Variants in RPS6KC1 observed in about 807,000 individuals in gnomAD.
RPS6KC1 encodes inactive ribosomal protein S6 kinase delta-1.
In RPS6KC1, 54 loss-of-function variants were observed where a neutral mutation model predicts 103.8. The ratio of observed to expected loss-of-function variants is 0.52; its 90% CI spans 0.42 to 0.65. The LOEUF (loss-of-function observed/expected upper bound fraction) is 0.65. RPS6KC1 is among the 30% of genes least tolerant of loss of function. RPS6KC1 has a pLI of 0.00. For synonymous variants in RPS6KC1, 439 were observed against 438.7 expected (o/e 1.00, Z -0.01); for missense variants, 1,151 against 1,253.8 (o/e 0.92, Z 1.24).
the RPS6KC1 span, among the ~76,000 whole-genome samples, chr1:213,701,737 T>G: frequency 6.6e-6 from 1 of 152,096 alleles, no homozygotes; most frequent in Non-Finnish European, 1.5e-5. Context: ...TTCTTTGAAT[T>G]TCTACAGTAT....
At chr1:213,553,699 T>C in the RPS6KC1 span, among the ~76,000 whole-genome samples, 24 of 152,294 alleles carry the variant, frequency 1.6e-4, no homozygotes, top group Non-Finnish European at 2.6e-4. Flanking sequence ...CTGTTATTTT[T>C]TGATTTTTTT....
intron 6 of RPS6KC1, among the ~76,000 whole-genome samples, chr1:213,141,963 A>T (rs1224719822): frequency 6.6e-6 from 1 of 151,862 alleles, no homozygotes; most frequent in Non-Finnish European, 1.5e-5. Context: ...TAGTTCTGTC[A>T]GTGGAATGTT....
the RPS6KC1 span, chr1:213,840,871 G>A: frequency 6.6e-6 from 1 of 152,220 alleles, no homozygotes; most frequent in Admixed American, 6.5e-5. Context: ...CCCCACGTTA[G>A]GGATGCTAGA....
chr1:213,506,636 C>T, the RPS6KC1 span, among the ~76,000 whole-genome samples: 1 of 152,146 alleles, frequency 6.6e-6, no homozygotes, highest in South Asian at 2.1e-4. Flanking sequence ...TTTTACTCAA[C>T]CCAGTCAATC....
intron 1 of RPS6KC1, among the ~76,000 whole-genome samples, chr1:213,062,550 G>C (rs766610508): frequency 9.2e-5 from 14 of 152,102 alleles, no homozygotes; most frequent in Admixed American, 2.6e-4. Context: ...TCAGATAAGA[G>C]AGTGCTTTTG....
At position 213,090,889 on chromosome 1, in the gene RPS6KC1, A is replaced by G. The variant is rs540415248; in HGVS notation, c.262+13073A>G. On this transcript the variant is annotated intron_variant, in intron 3 of 14. Coordinates refer to ENST00000366960, the MANE Select transcript of RPS6KC1 (RefSeq NM_012424.6). ...TCTTCCAAAGCAAAAAAGAAATAGC[A>G]AGAAGAGTGGTGTTGGTTTATGTTT... Among the ~76,000 whole-genome samples, 37 of 152,366 alleles carry G rather than the reference A, an allele frequency of 2.4e-4. No individual in the cohort carries two copies. The Middle Eastern group carries it at 0.01, about 42-fold the overall frequency.
At chr1:213,419,562 C>T in the RPS6KC1 span, among the ~76,000 whole-genome samples, 1 of 152,184 alleles carries the variant, frequency 6.6e-6, no homozygotes, top group Non-Finnish European at 1.5e-5. Context: ...AAACCTAGAT[C>T]TACAGACTCC....
the RPS6KC1 span, among the ~76,000 whole-genome samples, chr1:213,457,525 G>A: frequency 1.3e-5 from 2 of 152,116 alleles, no homozygotes; most frequent in African/African-American, 2.4e-5. Flanking sequence ...ACACTCACTG[G>A]TTATGCATGG....
At chr1:213,062,772 G>T (rs537210348) in intron 1 of RPS6KC1, among the ~76,000 whole-genome samples, 12 of 152,228 alleles carry the variant, frequency 7.9e-5, no homozygotes, top group Admixed American at 5.2e-4. Flanking sequence ...GGCCAGGATG[G>T]TCTCATTCTT....
the RPS6KC1 span, among the ~76,000 whole-genome samples, chr1:213,428,524 CTCT>C: frequency 1.2e-4 from 5 of 43,180 alleles, no homozygotes; most frequent in African/African-American, 3.8e-4. Flanking sequence ...CTTCCTCTTT[CTCT>C]CTCTCTCTCT....
At chr1:213,660,814 C>T in the RPS6KC1 span, among the ~76,000 whole-genome samples, 5 of 152,248 alleles carry the variant, frequency 3.3e-5, no homozygotes, top group Admixed American at 6.5e-5. Context: ...TGCAGTAGGG[C>T]GATGAAATAA....
intron 3 of RPS6KC1, among the ~76,000 whole-genome samples, chr1:213,083,760 C>T (rs1335428382): frequency 1.3e-5 from 2 of 152,102 alleles, no homozygotes; most frequent in Non-Finnish European, 2.9e-5. Context: ...TCCCTGTCTC[C>T]TGGTGTTTAT....
At chr1:213,394,552 C>T in the RPS6KC1 span, among the ~76,000 whole-genome samples, 1 of 152,238 alleles carries the variant, frequency 6.6e-6, no homozygotes, top group Admixed American at 6.5e-5. Context: ...TGCTCTACGC[C>T]TTATAGAGTG....
At chr1:213,089,195 A>T (rs1351408956) in intron 3 of RPS6KC1, among the ~76,000 whole-genome samples, 1 of 152,200 alleles carries the variant, frequency 6.6e-6, no homozygotes, top group Non-Finnish European at 1.5e-5. Context: ...AGTTCTGATG[A>T]TGGGTCTTCA....
At chr1:213,407,218 GCACA>G in the RPS6KC1 span, among the ~76,000 whole-genome samples, 61,840 of 127,166 alleles carry the variant, frequency 0.49, 13,652 homozygotes, top group East Asian at 0.8. Flanking sequence ...ATGCACGCGC[GCACA>G]CACACACACA....
the RPS6KC1 span, among the ~76,000 whole-genome samples, chr1:213,487,954 A>G: frequency 6.6e-6 from 1 of 152,100 alleles, no homozygotes; most frequent in Non-Finnish European, 1.5e-5. Flanking sequence ...TGTCTCTAAT[A>G]CTGTCTCCCT....
the RPS6KC1 span, among the ~76,000 whole-genome samples, chr1:213,727,974 A>G: frequency 4.6e-5 from 7 of 152,328 alleles, no homozygotes; most frequent in African/African-American, 1.7e-4. Flanking sequence ...CAACGCATCT[A>G]TCAGACTCAG....
chr1:213,122,903 G>A (rs565535538), intron 5 of RPS6KC1, among the ~76,000 whole-genome samples: 33 of 152,184 alleles, frequency 2.2e-4, no homozygotes, highest in African/African-American at 6.0e-4. Context: ...ACCAGTGTGT[G>A]TAAATGATAC....
chr1:213,825,361 G>A, the RPS6KC1 span, among the ~76,000 whole-genome samples: 1 of 152,326 alleles, frequency 6.6e-6, no homozygotes. Context: ...AGGCATACTT[G>A]CAGTGCAGTT....
Sources: allele counts gnomAD v4.1 joint callset (sites outside exome capture counted in the v4.1 genomes callset), GRCh38; gene constraint gnomAD v4.1.1; transcripts MANE v1.5; gene names NCBI Gene and HGNC (gene_info 2026-07-23, HGNC 2026-07-21).